Variants in MTUS2 observed in about 807,000 individuals in gnomAD.
MTUS2 encodes microtubule-associated tumor suppressor candidate 2.
Under a neutral mutation model 114.1 loss-of-function variants are expected in MTUS2, and 40 were observed. The ratio of observed to expected loss-of-function variants is 0.35; its 90% CI spans 0.27 to 0.46. MTUS2 has a LOEUF of 0.46. Ranked by LOEUF, MTUS2 falls within the 20% of genes least tolerant of loss-of-function variation. The probability of loss-of-function intolerance (pLI) is 1.00; values close to 1 mark genes in which losing one functional copy is unlikely to be tolerated. For missense variants in MTUS2, 1,679 were observed against 1,705.4 expected, an observed-to-expected ratio of 0.98 and a Z score of 0.27; for synonymous variants, 688 against 672.0, an observed-to-expected ratio of 1.02 and a Z score of -0.37.
intron 2 of MTUS2, among the ~76,000 whole-genome samples, chr13:28,843,985 CATATT>C (rs879942353): frequency 1.3e-5 from 2 of 152,200 alleles, no homozygotes; most frequent in Non-Finnish European, 2.9e-5. Context: ...CTGTGATACT[CATATT>C]ATGTCAAAGG....
At chr13:29,422,900 G>C (rs1876227727) in intron 8 of MTUS2, among the ~76,000 whole-genome samples, 1 of 152,086 alleles carries the variant, frequency 6.6e-6, no homozygotes, top group African/African-American at 2.4e-5. Context: ...AAAGTGCTGG[G>C]ATTACAGGCG....
chr13:29,188,874 A>T (rs1486071754), intron 5 of MTUS2, among the ~76,000 whole-genome samples: 1 of 152,190 alleles, frequency 6.6e-6, no homozygotes, highest in Non-Finnish European at 1.5e-5. Flanking sequence ...TATCCAGTAC[A>T]GCCTTGTGTG....
intron 14 of MTUS2, among the ~76,000 whole-genome samples, chr13:29,500,742 A>G (rs1218795713): frequency 6.6e-6 from 1 of 151,630 alleles, no homozygotes; most frequent in Non-Finnish European, 1.5e-5. Context: ...ATCTCTGACA[A>G]TGGCAAGGGC....
chr13:29,047,878 G>A (rs928244302), intron 4 of MTUS2, among the ~76,000 whole-genome samples: 1 of 152,056 alleles, frequency 6.6e-6, no homozygotes, highest in Admixed American at 6.5e-5. Flanking sequence ...TTGTTTTATG[G>A]ACTTAAACTC....
intron 9 of MTUS2, among the ~76,000 whole-genome samples, chr13:29,479,144 A>C (rs1880954430): frequency 6.6e-6 from 1 of 152,220 alleles, no homozygotes. Flanking sequence ...GTACCTGCTC[A>C]ACTCTATTTT....
At chr13:29,424,635 A>G (rs1876369295) in intron 8 of MTUS2, among the ~76,000 whole-genome samples, 1 of 152,200 alleles carries the variant, frequency 6.6e-6, no homozygotes, top group Admixed American at 6.6e-5. Context: ...TGAAACATGA[A>G]GCACACAGCA....
chr13:29,053,666 G>A (rs1173511796), intron 4 of MTUS2, among the ~76,000 whole-genome samples: 2 of 152,142 alleles, frequency 1.3e-5, no homozygotes, highest in Non-Finnish European at 2.9e-5. Flanking sequence ...GGATCATACA[G>A]TATGTACTGT....
At chr13:29,193,762 C>T (rs1040455917) in intron 5 of MTUS2, among the ~76,000 whole-genome samples, 1 of 151,896 alleles carries the variant, frequency 6.6e-6, no homozygotes, top group Non-Finnish European at 1.5e-5. Context: ...TCATGTGGAA[C>T]CAAAAAAGAG....
chr13:29,013,438 A>G lies in MTUS2; in HGVS notation c.-242-11019A>G, dbSNP rs573913787. Among the ~76,000 whole-genome samples the G allele has an allele frequency of 9.8e-4, 150 of 152,332 alleles. 1 individual carries two copies. The highest frequency in any genetic ancestry group is 3.5e-3 in the African/African-American group (146 of 41,570). ...TCCTTCACCAGAACAGATAACGCTC[A>G]GTTTTTCTGGTAAGCAGATAGGGTT... On this transcript the variant is annotated intron_variant, in intron 2 of 15. Coordinates refer to ENST00000612955, the MANE Select transcript of MTUS2 (RefSeq NM_001033602.4).
chr13:29,382,108 G>C (rs1339122231), intron 8 of MTUS2, among the ~76,000 whole-genome samples: 2 of 152,168 alleles, frequency 1.3e-5, no homozygotes, highest in Non-Finnish European at 2.9e-5. Flanking sequence ...GGCAGTATCA[G>C]GGACTGTGAT....
At chr13:29,011,898 A>C (rs907893074) in intron 2 of MTUS2, among the ~76,000 whole-genome samples, 1 of 152,222 alleles carries the variant, frequency 6.6e-6, no homozygotes. Flanking sequence ...TTCATTTGAC[A>C]GAAGAAAGGA....
At chr13:28,844,765 C>T (rs755530179) in intron 2 of MTUS2, among the ~76,000 whole-genome samples, 1 of 152,046 alleles carries the variant, frequency 6.6e-6, no homozygotes, top group African/African-American at 2.4e-5. Context: ...TACAGGCGCA[C>T]GCCACCACAC....
chr13:28,852,820 C>T (rs1350910467), intron 2 of MTUS2, among the ~76,000 whole-genome samples: 1 of 152,052 alleles, frequency 6.6e-6, no homozygotes, highest in Non-Finnish European at 1.5e-5. Flanking sequence ...GCACTCCATC[C>T]TGGGTGACAG....
At chr13:29,441,857 C>T (rs1412231657) in intron 9 of MTUS2, among the ~76,000 whole-genome samples, 1 of 152,154 alleles carries the variant, frequency 6.6e-6, no homozygotes, top group African/African-American at 2.4e-5. Flanking sequence ...CCTTCTGCCT[C>T]CTTCCCCACT....
At position 29,505,605 on chromosome 13, in the gene MTUS2, C is replaced by T. The variant is rs746753592; in HGVS notation, c.*2399C>T. 4.3e-6 allele frequency: 1 copy of T among 231,754 alleles called. No individual in the cohort carries two copies. The highest frequency in any genetic ancestry group is 2.2e-5 in the African/African-American group (1 of 45,256). The allele number at this position is 231,754 out of a possible 1,614,324, so 14.4% of individuals were successfully genotyped here. A position where few individuals can be genotyped will look rare whatever the true frequency, so the allele number is the denominator to read the frequency against. ...CCACACCATCAGAATTCGGATTTCT[C>T]TCCACGTGGCGTCTGCCTCTGTCCC... On this transcript the variant is annotated 3_prime_UTR_variant, in exon 16 of 16. Transcript: ENST00000612955.
intron 5 of MTUS2, among the ~76,000 whole-genome samples, chr13:29,214,108 C>T (rs1313112808): frequency 2.6e-5 from 4 of 151,706 alleles, no homozygotes; most frequent in African/African-American, 9.7e-5. Context: ...ATACTTCCAT[C>T]TCTTTCCTGG....
intron 4 of MTUS2, among the ~76,000 whole-genome samples, chr13:29,060,444 T>C (rs559463172): frequency 6.6e-6 from 1 of 151,974 alleles, no homozygotes; most frequent in South Asian, 2.1e-4. Flanking sequence ...CTTGGCTCCA[T>C]GTTGAGCCCA....
intron 5 of MTUS2, among the ~76,000 whole-genome samples, chr13:29,215,473 T>C (rs1895638172): frequency 1.6e-5 from 1 of 63,738 alleles, no homozygotes; most frequent in Non-Finnish European, 2.8e-5. Context: ...ATTTTTTTGC[T>C]GTTTTTTTTT....
At chr13:28,900,743 T>G (rs1240635183) in intron 2 of MTUS2, among the ~76,000 whole-genome samples, 1 of 152,222 alleles carries the variant, frequency 6.6e-6, no homozygotes, top group Admixed American at 6.5e-5. Flanking sequence ...ATTGTATTAG[T>G]TGACTAGGCT....
Sources: allele counts gnomAD v4.1 joint callset (sites outside exome capture counted in the v4.1 genomes callset), GRCh38; gene constraint gnomAD v4.1.1; transcripts MANE v1.5; gene names NCBI Gene and HGNC (gene_info 2026-07-23, HGNC 2026-07-21).